Variants in LHFPL3 observed in about 807,000 individuals in gnomAD.
The protein encoded by LHFPL3 is LHFPL tetraspan subfamily member 3 protein.
LHFPL3 carries 5 observed loss-of-function variants against 19.3 expected under a neutral mutation model. That is an observed-to-expected ratio of 0.26 (90% CI 0.14 to 0.54). LHFPL3 has a LOEUF of 0.54. LHFPL3 is among the 20% of genes least tolerant of loss of function. LHFPL3 has a pLI of 0.94. For missense variants in LHFPL3, 249 were observed against 307.4 expected, an observed-to-expected ratio of 0.81 and a Z score of 1.42; for synonymous variants, 133 against 126.2, an observed-to-expected ratio of 1.05 and a Z score of -0.36.
intron 1 of LHFPL3, among the ~76,000 whole-genome samples, chr7:104,621,942 C>T (rs552876992): frequency 6.6e-6 from 1 of 152,236 alleles, no homozygotes; most frequent in East Asian, 1.9e-4. Flanking sequence ...TCTCTTCCAC[C>T]TACCAAAAAA....
In LHFPL3 at chr7:104,633,623, A is replaced by C. The variant is rs1791681833; in HGVS notation, c.446-103052A>C. Among the ~76,000 whole-genome samples the C allele has an allele frequency of 3.9e-5, 6 of 152,292 alleles. No homozygotes were observed. In the South Asian group the frequency reaches 1.2e-3, roughly 32 times the overall value. On this transcript the variant is annotated intron_variant, in intron 1 of 2. Coordinates refer to ENST00000424859, the MANE Select transcript of LHFPL3 (RefSeq NM_199000.3). ...TAAAATGATATCAGATGTACTGTCC[A>C]CTTGTTCATTACAATATGGCAGTGA...
chr7:104,553,275 G>T (rs1794694861), intron 1 of LHFPL3, among the ~76,000 whole-genome samples: 1 of 152,078 alleles, frequency 6.6e-6, no homozygotes. Context: ...CCAGGATTTG[G>T]CCTTCAGATT....
chr7:104,848,659 GA>G (rs888742698), intron 2 of LHFPL3, among the ~76,000 whole-genome samples: 3 of 147,336 alleles, frequency 2.0e-5, no homozygotes, highest in African/African-American at 4.9e-5. Flanking sequence ...AGGAGAAGGG[GA>G]AAGGAGGAGG....
chr7:104,624,859 C>T (rs1791514035), intron 1 of LHFPL3, among the ~76,000 whole-genome samples: 1 of 152,152 alleles, frequency 6.6e-6, no homozygotes, highest in Admixed American at 6.5e-5. Context: ...AGATATTTAT[C>T]TCCAGAGAAT....
chr7:104,764,663 C>T (rs986445877), intron 2 of LHFPL3, among the ~76,000 whole-genome samples: 7 of 152,176 alleles, frequency 4.6e-5, no homozygotes, highest in African/African-American at 1.7e-4. Flanking sequence ...CATGACTTAC[C>T]CCAAATCAGA....
intron 1 of LHFPL3, among the ~76,000 whole-genome samples, chr7:104,614,653 C>CTTCTTCCT (rs1554415305): frequency 3.9e-5 from 2 of 51,436 alleles, no homozygotes; most frequent in African/African-American, 1.2e-4. Context: ...CTTCTCTTCT[C>CTTCTTCCT]TCCTTCCTTC....
Position 104,430,392 on chromosome 7 carries a change from A to ATATATG in LHFPL3, c.445+101173_445+101174insGTATAT, listed in dbSNP as rs1554393136. Among the ~76,000 whole-genome samples, 23 of 56,566 alleles carry ATATATG rather than the reference A, an allele frequency of 4.1e-4. 1 individual carries two copies. The highest frequency in any genetic ancestry group is 5.5e-4 in the Non-Finnish European group (19 of 34,472). 37.1% of individuals were successfully genotyped at this position (56,566 alleles called of 152,430 possible). A position where few individuals can be genotyped will look rare whatever the true frequency, so the allele number is the denominator to read the frequency against. On this transcript the variant is annotated intron_variant, in intron 1 of 2. Transcript: ENST00000424859. ...TGGGTATATATATATACATATATAT[A>ATATATG]TATATATATATACATATATATATAT...
rs191505813 is a variant in LHFPL3, at chr7:104,772,579, G to A, written c.682+35668G>A. Among the ~76,000 whole-genome samples the A allele has an allele frequency of 4.9e-3, 743 of 152,310 alleles. 4 individuals carry two copies. The highest frequency in any genetic ancestry group is 0.02 in the Middle Eastern group (6 of 294). On this transcript the variant is annotated intron_variant, in intron 2 of 2. Coordinates refer to ENST00000424859, the MANE Select transcript of LHFPL3 (RefSeq NM_199000.3). Reference sequence around the variant, plus strand: ...CCCCAGCTCAGTCCTCACCAGGAAAGGGCAGGCTGCGCTAGACTGCACTGC... The same window carrying A: ...CCCCAGCTCAGTCCTCACCAGGAAAAGGCAGGCTGCGCTAGACTGCACTGC...
chr7:104,889,133 A>G (rs992232566), intron 2 of LHFPL3, among the ~76,000 whole-genome samples: 6 of 152,214 alleles, frequency 3.9e-5, no homozygotes, highest in South Asian at 4.1e-4. Flanking sequence ...TTTTCTAGAG[A>G]AGACTCAACA....
intron 1 of LHFPL3, among the ~76,000 whole-genome samples, chr7:104,464,386 G>A (rs1488894858): frequency 2.0e-5 from 3 of 152,160 alleles, no homozygotes; most frequent in African/African-American, 7.2e-5. Context: ...AAGAATGGTG[G>A]CCCTCTTCTC....
At chr7:104,566,016 C>G (rs1790117225) in intron 1 of LHFPL3, among the ~76,000 whole-genome samples, 1 of 151,948 alleles carries the variant, frequency 6.6e-6, no homozygotes, top group Non-Finnish European at 1.5e-5. Flanking sequence ...GAGGTAGGAA[C>G]TGGGAGGAAA....
chr7:104,502,752 C>T (rs767251858), intron 1 of LHFPL3, among the ~76,000 whole-genome samples: 3 of 152,142 alleles, frequency 2.0e-5, no homozygotes, highest in Non-Finnish European at 4.4e-5. Flanking sequence ...TTTCCAAGAA[C>T]ATTTATTTTT....
intron 1 of LHFPL3, among the ~76,000 whole-genome samples, chr7:104,393,799 A>G (rs1196585648): frequency 6.6e-6 from 1 of 152,228 alleles, no homozygotes; most frequent in East Asian, 1.9e-4. Flanking sequence ...GTGTGCTACA[A>G]CATGAATGAA....
chr7:104,796,229 T>C (rs946626193), intron 2 of LHFPL3, among the ~76,000 whole-genome samples: 1 of 152,232 alleles, frequency 6.6e-6, no homozygotes, highest in Non-Finnish European at 1.5e-5. Context: ...ACTGCTTCAC[T>C]GACCTTTTGT....
intron 1 of LHFPL3, among the ~76,000 whole-genome samples, chr7:104,672,782 C>T (rs1425558261): frequency 6.6e-6 from 1 of 152,182 alleles, no homozygotes; most frequent in Non-Finnish European, 1.5e-5. Context: ...AGAGTTCCTG[C>T]TGTTTTCCTT....
intron 1 of LHFPL3, among the ~76,000 whole-genome samples, chr7:104,518,796 A>ATGAT (rs1793976926): frequency 1.6e-5 from 2 of 125,432 alleles, no homozygotes; most frequent in South Asian, 2.6e-4. Flanking sequence ...AAATAAATAG[A>ATGAT]TGATAGATAG....
At position 104,569,494 on chromosome 7, in the gene LHFPL3, A is replaced by C. The variant is rs148539365; in HGVS notation, c.446-167181A>C. Among the ~76,000 whole-genome samples, 112 of 152,308 alleles carry C rather than the reference A, an allele frequency of 7.4e-4. 2 individuals are homozygous for C. The East Asian group carries it at 0.021, about 28-fold the overall frequency. On this transcript the variant is annotated intron_variant, in intron 1 of 2. Transcript: ENST00000424859. Reference sequence around the variant, plus strand: ...CTTATTTGGGGGGAGGGGTAAAAATAATTTTTATTGTGTGTATTTGAGATT... The same window carrying C: ...CTTATTTGGGGGGAGGGGTAAAAATCATTTTTATTGTGTGTATTTGAGATT...
intron 1 of LHFPL3, among the ~76,000 whole-genome samples, chr7:104,456,188 A>G (rs545805210): frequency 1.3e-5 from 2 of 152,326 alleles, no homozygotes; most frequent in South Asian, 2.1e-4. Context: ...AGTTGTATTT[A>G]TACAGTGTGA....
intron 1 of LHFPL3, among the ~76,000 whole-genome samples, chr7:104,640,763 A>G (rs2115891244): frequency 6.6e-6 from 1 of 152,270 alleles, no homozygotes; most frequent in East Asian, 1.9e-4. Flanking sequence ...CATGAGTTGC[A>G]GTAAGTAAGT....
Sources: gnomAD v4.1 joint callset for allele counts (sites outside exome capture counted in the v4.1 genomes callset) on GRCh38, gnomAD v4.1.1 for gene constraint, MANE v1.5 for transcripts, NCBI Gene and HGNC (gene_info 2026-07-23, HGNC 2026-07-21) for gene names.